The following PTPRN2 variants were observed in gnomAD, a reference collection of about 807,000 sequenced individuals.
PTPRN2 encodes protein tyrosine phosphatase receptor type N2.
PTPRN2 carries 74 observed loss-of-function variants against 118.8 expected under a neutral mutation model. That is an observed-to-expected ratio of 0.62 (90% CI 0.52 to 0.76). The LOEUF (loss-of-function observed/expected upper bound fraction) is 0.76. Ranked by LOEUF, PTPRN2 falls within the 30% of genes least tolerant of loss-of-function variation. PTPRN2 has a pLI of 0.00. For missense variants in PTPRN2, 1,481 were observed against 1,394.4 expected, an observed-to-expected ratio of 1.06 and a Z score of -0.99; for synonymous variants, 641 against 608.0, an observed-to-expected ratio of 1.05 and a Z score of -0.80.
intron 9 of PTPRN2, among the ~76,000 whole-genome samples, chr7:158,127,424 C>T (rs187113363): frequency 6.6e-6 from 1 of 152,204 alleles, no homozygotes; most frequent in African/African-American, 2.4e-5. Flanking sequence ...GCTGCCACTC[C>T]AGAGACCAGG....
In PTPRN2 at chr7:157,595,398, A is replaced by T. The variant is rs189131056; in HGVS notation, c.2419-83T>A. 223 of 1,321,470 alleles carry T rather than the reference A, an allele frequency of 1.7e-4. No individual in the cohort carries two copies. The African/African-American group carries it at 3.1e-3, about 18-fold the overall frequency. The allele number at this position is 1,321,470 out of a possible 1,614,324, so 81.9% of individuals were successfully genotyped here. ...TAGGAAGCCTGGAGGTTAGGAAGCC[A>T]GAAGGTTAGGAAACCCGGAGGTTAG... On this transcript the variant is annotated intron_variant, in intron 16 of 22. Transcript: ENST00000389418.
intron 15 of PTPRN2, among the ~76,000 whole-genome samples, chr7:157,614,876 T>C (rs900139265): frequency 6.6e-6 from 1 of 152,214 alleles, no homozygotes; most frequent in Non-Finnish European, 1.5e-5. Flanking sequence ...TCCAGGACTA[T>C]GGGGAAATGC....
chr7:158,580,106 C>T (rs534625272), intron 1 of PTPRN2, among the ~76,000 whole-genome samples: 1 of 152,362 alleles, frequency 6.6e-6, no homozygotes, highest in East Asian at 1.9e-4. Flanking sequence ...ACTGCTTTAC[C>T]TATGTTCCAT....
intron 22 of PTPRN2, among the ~76,000 whole-genome samples, chr7:157,544,525 A>AGTGAGGAGGGGGC (rs1563199145): frequency 1.3e-5 from 2 of 152,056 alleles, no homozygotes; most frequent in African/African-American, 2.4e-5. Flanking sequence ...TGGACATGCG[A>AGTGAGGAGGGGGC]GGGGCCTCCC....
At chr7:157,594,762 C>T (rs1010563734) in intron 17 of PTPRN2, among the ~76,000 whole-genome samples, 8 of 152,222 alleles carry the variant, frequency 5.3e-5, no homozygotes, top group South Asian at 2.1e-4. Flanking sequence ...TTGACATTCA[C>T]GTCAGCCCTC....
At chr7:157,796,771 C>A (rs192192285) in intron 12 of PTPRN2, among the ~76,000 whole-genome samples, 28 of 152,236 alleles carry the variant, frequency 1.8e-4, no homozygotes, top group Middle Eastern at 3.4e-3. Context: ...GGCGTAGGCG[C>A]AAGGTGGGAG....
At chr7:157,876,840 G>T (rs1055030894) in intron 12 of PTPRN2, among the ~76,000 whole-genome samples, 2 of 152,222 alleles carry the variant, frequency 1.3e-5, no homozygotes, top group South Asian at 4.1e-4. Flanking sequence ...CAGCACGGGG[G>T]CATGCCGGGG....
At chr7:158,191,837 G>A (rs1585799084) in intron 5 of PTPRN2, among the ~76,000 whole-genome samples, 1 of 152,038 alleles carries the variant, frequency 6.6e-6, no homozygotes. Context: ...GAGCCCTTAC[G>A]CTGCCCTGGG....
At chr7:158,009,137 C>T (rs1383165332) in intron 11 of PTPRN2, among the ~76,000 whole-genome samples, 1 of 152,016 alleles carries the variant, frequency 6.6e-6, no homozygotes, top group Non-Finnish European at 1.5e-5. Context: ...TGCCCGTGAC[C>T]GACCCCCTCA....
rs1801730907 is a variant in PTPRN2 at position 157,964,099 on chromosome 7, A to G, written c.1724-65362T>C. 2.0e-5 allele frequency among the ~76,000 whole-genome samples: 3 copies of G among 152,200 alleles called. No individual in the cohort carries two copies. Among genetic ancestry groups the G allele is most frequent in the Admixed American group, 2.0e-4 (3 of 15,300 alleles). ...TCATCTGTAAGAGGCTGTTGAGGGC[A>G]CGACCACCTCGCAGTGACCTCCCTC... On this transcript the variant is annotated intron_variant, in intron 11 of 22. Transcript: ENST00000389418. This position sits in a 1 kb window ranked among gnomAD's most constrained non-coding sequence, Gnocchi z 9.0.
At chr7:158,252,037 C>T (rs754652736) in intron 3 of PTPRN2, among the ~76,000 whole-genome samples, 6 of 152,176 alleles carry the variant, frequency 3.9e-5, no homozygotes, top group Non-Finnish European at 8.8e-5. Flanking sequence ...GCCTCCTCAT[C>T]GTCTGTGGGA....
Position 158,262,734 on chromosome 7 carries a change from TCA to T in PTPRN2, c.277+54083_277+54084del, listed in dbSNP as rs1363643771. On this transcript the variant is annotated intron_variant, in intron 3 of 22. Coordinates refer to ENST00000389418, the MANE Select transcript of PTPRN2 (RefSeq NM_002847.5). ...TCACACACATTGCGCACACATACAT[TCA>T]CACACTGCACATATACACACACTGC... Among the ~76,000 whole-genome samples the T allele has an allele frequency of 6.1e-5, 8 of 131,298 alleles. 1 individual carries two copies. Among genetic ancestry groups the T allele is most frequent in the East Asian group, 2.4e-4 (1 of 4,108 alleles). 86.1% of individuals were successfully genotyped at this position (131,298 alleles called of 152,430 possible).
intron 12 of PTPRN2, chr7:157,862,967 C>T (rs938025756): frequency 5.9e-5 from 9 of 152,306 alleles, no homozygotes; most frequent in African/African-American, 2.2e-4. Context: ...ACACAAAGCC[C>T]AGAGCTCGGA....
intron 12 of PTPRN2, among the ~76,000 whole-genome samples, chr7:157,751,065 C>T (rs1398730317): frequency 2.0e-5 from 3 of 152,254 alleles, no homozygotes; most frequent in Admixed American, 6.5e-5. Context: ...GAAAACCTCC[C>T]AGATCCTGGC....
intron 12 of PTPRN2, among the ~76,000 whole-genome samples, chr7:157,710,346 T>C (rs900712610): frequency 6.6e-6 from 1 of 152,178 alleles, no homozygotes; most frequent in Non-Finnish European, 1.5e-5. Context: ...TGGTGGCTCA[T>C]GTCTGTAATC....
intron 3 of PTPRN2, among the ~76,000 whole-genome samples, chr7:158,304,860 T>C (rs1025225805): frequency 5.9e-5 from 9 of 152,220 alleles, no homozygotes; most frequent in African/African-American, 2.2e-4. Context: ...TAATTCCCTC[T>C]TGGATCAGGG....
At chr7:158,440,937 G>A (rs1451247829) in intron 2 of PTPRN2, among the ~76,000 whole-genome samples, 1 of 148,562 alleles carries the variant, frequency 6.7e-6, no homozygotes, top group African/African-American at 2.6e-5. Flanking sequence ...TGGTGATGGT[G>A]GTGGTGATGA....
intron 10 of PTPRN2, among the ~76,000 whole-genome samples, chr7:158,106,485 C>A (rs1815693502): frequency 6.6e-6 from 1 of 152,234 alleles, no homozygotes; most frequent in Admixed American, 6.5e-5. Context: ...CACACACACA[C>A]CTCCGTGTAT....
intron 2 of PTPRN2, among the ~76,000 whole-genome samples, chr7:158,317,952 T>G (rs1802478595): frequency 6.6e-6 from 1 of 152,140 alleles, no homozygotes; most frequent in African/African-American, 2.4e-5. Context: ...TATGGGACTT[T>G]GCAAAGCCCA....
Sources: allele counts gnomAD v4.1 joint callset (sites outside exome capture counted in the v4.1 genomes callset), GRCh38; gene constraint gnomAD v4.1.1; non-coding constraint Gnocchi (gnomAD v3.1); transcripts MANE v1.5; gene names NCBI Gene and HGNC (gene_info 2026-07-23, HGNC 2026-07-21).